RBFOX1: variants seen among roughly 807,000 people sequenced by gnomAD.
The protein encoded by RBFOX1 is RNA binding protein fox-1 homolog 1.
Under a neutral mutation model 57.7 loss-of-function variants are expected in RBFOX1, and 8 were observed. The observed-to-expected ratio is 0.14, with a 90% confidence interval of 0.08 to 0.25. The LOEUF (loss-of-function observed/expected upper bound fraction) is 0.25, where lower values mean the gene tolerates loss of function less well. Ranked by LOEUF, RBFOX1 falls within the 10% of genes least tolerant of loss-of-function variation. The probability of loss-of-function intolerance (pLI) is 1.00; values close to 1 mark genes in which losing one functional copy is unlikely to be tolerated. For missense variants in RBFOX1, 611 were observed against 548.5 expected, an observed-to-expected ratio of 1.11 and a Z score of -1.14; for synonymous variants, 326 against 222.4, an observed-to-expected ratio of 1.47 and a Z score of -4.15.
intron 2 of RBFOX1, among the ~76,000 whole-genome samples, chr16:5,529,932 T>C (rs981369160): frequency 9.9e-5 from 15 of 152,188 alleles, no homozygotes; most frequent in African/African-American, 3.6e-4. Context: ...GCTGGAGTTA[T>C]GCTGCCACAA....
intron 4 of RBFOX1, among the ~76,000 whole-genome samples, chr16:5,993,767 C>T (rs943687554): frequency 6.6e-6 from 1 of 151,982 alleles, no homozygotes; most frequent in South Asian, 2.1e-4. Context: ...TGAGCAGTGC[C>T]GTAAAATTGA....
intron 2 of RBFOX1, among the ~76,000 whole-genome samples, chr16:6,563,414 T>C (rs980367727): frequency 2.0e-5 from 3 of 152,112 alleles, no homozygotes. Context: ...GAAACTGGGA[T>C]CCCCCCTAGA....
At chr16:7,182,579 A>G (rs1032158682) in intron 4 of RBFOX1, among the ~76,000 whole-genome samples, 15 of 152,230 alleles carry the variant, frequency 9.9e-5, no homozygotes, top group Admixed American at 9.8e-4. Context: ...CAAAGAACAG[A>G]AACCCAGTTT....
At chr16:7,026,771 G>C (rs1001164220) in intron 3 of RBFOX1, among the ~76,000 whole-genome samples, 5 of 152,222 alleles carry the variant, frequency 3.3e-5, no homozygotes, top group African/African-American at 9.6e-5. Flanking sequence ...TGTGCTGCCA[G>C]AGGGCACTAT....
chr16:6,941,814 A>C (rs1236098107), intron 3 of RBFOX1, among the ~76,000 whole-genome samples: 1 of 152,134 alleles, frequency 6.6e-6, no homozygotes, highest in African/African-American at 2.4e-5. Context: ...CTAACAAATA[A>C]GAATGAGCTG....
At chr16:7,033,864 G>A (rs376014070) in intron 3 of RBFOX1, among the ~76,000 whole-genome samples, 5 of 152,306 alleles carry the variant, frequency 3.3e-5, no homozygotes, top group African/African-American at 1.2e-4. Context: ...AGCTACTCAG[G>A]AGGCTGGGGC....
intron 4 of RBFOX1, among the ~76,000 whole-genome samples, chr16:7,454,357 G>T (rs1201744275): frequency 6.6e-6 from 1 of 152,202 alleles, no homozygotes; most frequent in Non-Finnish European, 1.5e-5. Flanking sequence ...CTCTTGACCA[G>T]TGTCTTGCCA....
intron 3 of RBFOX1, among the ~76,000 whole-genome samples, chr16:5,609,589 C>T (rs1422634037): frequency 1.3e-5 from 2 of 152,216 alleles, no homozygotes; most frequent in African/African-American, 2.4e-5. Flanking sequence ...AGCGTCACTC[C>T]AGGCCAGAGC....
rs200471833 is a variant in RBFOX1 at position 6,292,368 on chromosome 16, ATT to A, written c.-126-24612_-126-24611del. Among the ~76,000 whole-genome samples, 1,026 of 144,492 alleles carry A rather than the reference ATT, an allele frequency of 7.1e-3. 16 individuals are homozygous for A. The highest frequency in any genetic ancestry group is 0.021 in the African/African-American group (826 of 39,442). 94.8% of individuals were successfully genotyped at this position (144,492 alleles called of 152,430 possible). ...CTCATTGGTGGAAACAGTTCCACAG[ATT>A]TTTTTTTTTTTTTTAAGAAAAACCT... On this transcript the variant is annotated intron_variant, in intron 1 of 15. Coordinates refer to ENST00000550418, the MANE Select transcript of RBFOX1 (RefSeq NM_018723.4).
At chr16:6,671,008 A>C (rs1568142621) in intron 3 of RBFOX1, among the ~76,000 whole-genome samples, 1 of 152,292 alleles carries the variant, frequency 6.6e-6, no homozygotes, top group African/African-American at 2.4e-5. Flanking sequence ...TCAAAAAAAC[A>C]AAAAACTGGT....
intron 4 of RBFOX1, among the ~76,000 whole-genome samples, chr16:6,002,749 C>T (rs549974749): frequency 6.6e-6 from 1 of 152,206 alleles, no homozygotes; most frequent in South Asian, 2.1e-4. Context: ...TTTTAAGTAC[C>T]ATATTTATGT....
At chr16:7,141,554 T>C (rs1382838644) in intron 4 of RBFOX1, among the ~76,000 whole-genome samples, 2 of 152,210 alleles carry the variant, frequency 1.3e-5, no homozygotes, top group Non-Finnish European at 2.9e-5. Context: ...TTTTTATTTT[T>C]ATTTTGGAAG....
intron 1 of RBFOX1, among the ~76,000 whole-genome samples, chr16:5,371,352 A>G (rs1269479318): frequency 6.6e-6 from 1 of 152,222 alleles, no homozygotes; most frequent in Non-Finnish European, 1.5e-5. Flanking sequence ...TAGGGTACAC[A>G]GAGTGATGCC....
intron 1 of RBFOX1, among the ~76,000 whole-genome samples, chr16:6,148,218 T>C (rs992960402): frequency 5.9e-5 from 9 of 152,146 alleles, no homozygotes; most frequent in African/African-American, 1.9e-4. Flanking sequence ...TCCCAGCTAC[T>C]TGGGAGGCTG....
intron 2 of RBFOX1, among the ~76,000 whole-genome samples, chr16:6,579,689 A>G (rs1407732024): frequency 3.9e-5 from 6 of 152,114 alleles, no homozygotes; most frequent in Non-Finnish European, 7.4e-5. Flanking sequence ...TTTCCTTTAT[A>G]AACACTAAGT....
At chr16:5,881,115 GA>G (rs2057750365) in intron 4 of RBFOX1, among the ~76,000 whole-genome samples, 1 of 152,094 alleles carries the variant, frequency 6.6e-6, no homozygotes, top group African/African-American at 2.4e-5. Context: ...TTTTCCTATC[GA>G]AGTTCACGGA....
intron 4 of RBFOX1, among the ~76,000 whole-genome samples, chr16:7,350,513 G>C (rs2097109084): frequency 6.6e-6 from 1 of 152,172 alleles, no homozygotes. Context: ...TCAAGTAGGA[G>C]AACACTATGA....
intron 5 of RBFOX1, among the ~76,000 whole-genome samples, chr16:7,569,137 G>A (rs943340771): frequency 3.3e-5 from 5 of 152,100 alleles, no homozygotes; most frequent in Non-Finnish European, 5.9e-5. Context: ...CATTGACAGT[G>A]ATGAAAATGT....
intron 4 of RBFOX1, among the ~76,000 whole-genome samples, chr16:7,092,828 T>A (rs757408472): frequency 6.6e-6 from 1 of 152,206 alleles, no homozygotes; most frequent in Non-Finnish European, 1.5e-5. Context: ...AAGTATTCTG[T>A]CCCCTTTACC....
Sources: gnomAD v4.1 joint callset for allele counts (sites outside exome capture counted in the v4.1 genomes callset) on GRCh38, gnomAD v4.1.1 for gene constraint, MANE v1.5 for transcripts, NCBI Gene and HGNC (gene_info 2026-07-23, HGNC 2026-07-21) for gene names.